The following CNTLN variants were observed in gnomAD, a reference collection of about 807,000 sequenced individuals.
CNTLN encodes the protein centlein.
A neutral mutation model predicts 180.0 loss-of-function variants in CNTLN; 212 were observed. The observed-to-expected ratio is 1.18, with a 90% CI of 1.05 to 1.32. The LOEUF (loss-of-function observed/expected upper bound fraction) is 1.32, where lower values mean the gene tolerates loss of function less well. Among genes scored for constraint, CNTLN ranks in the 40% most tolerant of loss-of-function variants. The probability of loss-of-function intolerance (pLI) is 0.00; values close to 1 mark genes in which losing one functional copy is unlikely to be tolerated. For missense variants in CNTLN, 2,095 were observed against 1,610.9 expected (o/e 1.30, Z -5.14); for synonymous variants, 722 against 563.1 (o/e 1.28, Z -3.99).
At chr9:17,511,227 A>C in the CNTLN span, among the ~76,000 whole-genome samples, 2 of 152,170 alleles carry the variant, frequency 1.3e-5, no homozygotes, top group Non-Finnish European at 2.9e-5. Flanking sequence ...TGGGAATTGG[A>C]TCAGACATAT....
chr9:17,331,044 A>G (rs1201011476), intron 9 of CNTLN, among the ~76,000 whole-genome samples: 2 of 151,900 alleles, frequency 1.3e-5, no homozygotes, highest in East Asian at 1.9e-4. Context: ...TGCTATACCC[A>G]TTTTGTCAGT....
At chr9:17,174,125 G>A (rs938656171) in intron 2 of CNTLN, among the ~76,000 whole-genome samples, 1 of 152,110 alleles carries the variant, frequency 6.6e-6, no homozygotes, top group Non-Finnish European at 1.5e-5. Flanking sequence ...TTTTCATTCA[G>A]CATAATTCTC....
At chr9:17,174,381 A>G (rs1039434686) in intron 2 of CNTLN, among the ~76,000 whole-genome samples, 2 of 152,084 alleles carry the variant, frequency 1.3e-5, no homozygotes, top group Non-Finnish European at 2.9e-5. Context: ...GGGCCATGTG[A>G]TTGTTATAGC....
intron 13 of CNTLN, among the ~76,000 whole-genome samples, chr9:17,368,842 T>A (rs1376831779): frequency 1.3e-5 from 2 of 152,184 alleles, no homozygotes; most frequent in African/African-American, 4.8e-5. Context: ...ACCCAAGTCC[T>A]TTCAAATACC....
At chr9:17,424,914 C>G (rs574763056) in intron 18 of CNTLN, among the ~76,000 whole-genome samples, 1 of 152,126 alleles carries the variant, frequency 6.6e-6, no homozygotes, top group South Asian at 2.1e-4. Flanking sequence ...CTAAATAAAA[C>G]TCTATTCTTA....
rs575946814 is a variant in CNTLN at position 17,306,644 on chromosome 9, C to T, written c.1147-2414C>T. Among the ~76,000 whole-genome samples, 5 of 152,334 alleles carry T rather than the reference C, an allele frequency of 3.3e-5. No individual in the cohort carries two copies. The South Asian group carries it at 8.3e-4, about 25-fold the overall frequency. ...ATTGGTCCTCGATCCTGACCATACC[C>T]TAGCATCATGCCTGTACCTTGGTCA... On this transcript the variant is annotated intron_variant, in intron 7 of 25. Coordinates refer to ENST00000380647, the MANE Select transcript of CNTLN (RefSeq NM_017738.4).
At chr9:17,353,433 G>T (rs1715088925) in intron 12 of CNTLN, among the ~76,000 whole-genome samples, 1 of 151,750 alleles carries the variant, frequency 6.6e-6, no homozygotes, top group Non-Finnish European at 1.5e-5. Context: ...CGCCAAAATT[G>T]TGGGTTTTGA....
intron 5 of CNTLN, among the ~76,000 whole-genome samples, chr9:17,263,290 G>C (rs1314255441): frequency 6.8e-6 from 1 of 147,788 alleles, no homozygotes; most frequent in African/African-American, 2.6e-5. Flanking sequence ...AGAACATGTG[G>C]TGTTTGGCTT....
At chr9:17,357,602 C>CAT (rs200119813) in intron 12 of CNTLN, among the ~76,000 whole-genome samples, 80,849 of 140,802 alleles carry the variant, frequency 0.57, 22,761 homozygotes, top group Non-Finnish European at 0.62. Context: ...ATAAATACTA[C>CAT]ATATATATAT....
At chr9:17,217,114 A>G (rs953915686) in intron 2 of CNTLN, among the ~76,000 whole-genome samples, 2 of 152,262 alleles carry the variant, frequency 1.3e-5, no homozygotes, top group Non-Finnish European at 2.9e-5. Flanking sequence ...AGATGCAGGA[A>G]GCTTAACCAA....
intron 2 of CNTLN, among the ~76,000 whole-genome samples, chr9:17,180,214 T>G (rs566880673): frequency 6.1e-4 from 91 of 150,010 alleles, no homozygotes; most frequent in Middle Eastern, 3.2e-3. Context: ...TTTTTTTCTG[T>G]TTGCTATCTC....
At chr9:17,387,181 C>G (rs1019184939) in intron 13 of CNTLN, among the ~76,000 whole-genome samples, 6 of 152,178 alleles carry the variant, frequency 3.9e-5, no homozygotes, top group African/African-American at 7.2e-5. Flanking sequence ...GATTTCTACT[C>G]TACAGAGAAT....
At chr9:17,379,208 G>A (rs998387152) in intron 13 of CNTLN, among the ~76,000 whole-genome samples, 1 of 151,886 alleles carries the variant, frequency 6.6e-6, no homozygotes, top group Non-Finnish European at 1.5e-5. Flanking sequence ...TACTGCACCT[G>A]TATGAGCTTT....
intron 10 of CNTLN, among the ~76,000 whole-genome samples, chr9:17,334,535 T>C (rs1365901558): frequency 6.6e-6 from 1 of 152,116 alleles, no homozygotes; most frequent in Non-Finnish European, 1.5e-5. Context: ...TACGTGATAA[T>C]GGAGGCTCAG....
At chr9:17,280,867 G>A (rs1456696904) in intron 6 of CNTLN, among the ~76,000 whole-genome samples, 3 of 152,198 alleles carry the variant, frequency 2.0e-5, no homozygotes, top group African/African-American at 4.8e-5. Context: ...TTATCCTCAC[G>A]TGATGGAGTC....
chr9:17,508,839 C>T (rs1014704678), downstream of CNTLN, among the ~76,000 whole-genome samples: 1 of 152,176 alleles, frequency 6.6e-6, no homozygotes, highest in Non-Finnish European at 1.5e-5. Context: ...TGCAATTACA[C>T]ACCACTCTTG....
intron 2 of CNTLN, among the ~76,000 whole-genome samples, chr9:17,183,310 A>G (rs1259022978): frequency 6.6e-6 from 1 of 152,202 alleles, no homozygotes; most frequent in Non-Finnish European, 1.5e-5. Context: ...GGAATATCAC[A>G]GAATAATTCT....
intron 25 of CNTLN, among the ~76,000 whole-genome samples, chr9:17,488,894 T>G (rs1032896511): frequency 6.6e-6 from 1 of 152,150 alleles, no homozygotes; most frequent in Non-Finnish European, 1.5e-5. Context: ...CCGCTGCTGT[T>G]GCTGTTATAC....
intron 2 of CNTLN, among the ~76,000 whole-genome samples, chr9:17,151,684 T>G (rs1818892115): frequency 6.6e-6 from 1 of 152,224 alleles, no homozygotes; most frequent in South Asian, 2.1e-4. Flanking sequence ...TAAAATGAGT[T>G]AGGGAGGAGT....
Sources: gnomAD v4.1 joint callset for allele counts (sites outside exome capture counted in the v4.1 genomes callset) on GRCh38, gnomAD v4.1.1 for gene constraint, MANE v1.5 for transcripts, NCBI Gene and HGNC (gene_info 2026-07-23, HGNC 2026-07-21) for gene names.